WWOX: variants seen among roughly 807,000 people sequenced by gnomAD.
WWOX encodes WW domain containing oxidoreductase, also known as WW domain-containing oxidoreductase.
A neutral mutation model predicts 46.2 loss-of-function variants in WWOX; 69 were observed. That is an observed-to-expected ratio of 1.49 (90% confidence interval 1.23 to 1.82). WWOX has a LOEUF of 1.82. Ranked by LOEUF, WWOX falls within the 40% of genes most tolerant of loss-of-function variation. The pLI, the probability that WWOX is intolerant of heterozygous loss-of-function variation, is 0.00. For synonymous variants in WWOX, 359 were observed against 202.6 expected (o/e 1.77, Z -6.56); for missense variants, 919 against 542.6 (o/e 1.69, Z -6.89).
chr16:79,208,890 T>G (rs1251003077), intron 8 of WWOX, among the ~76,000 whole-genome samples: 1 of 152,156 alleles, frequency 6.6e-6, no homozygotes, highest in Non-Finnish European at 1.5e-5. Context: ...CAACAAGATA[T>G]TGTTACTGCT....
At chr16:79,120,320 G>C (rs2049602964) in intron 8 of WWOX, among the ~76,000 whole-genome samples, 1 of 152,182 alleles carries the variant, frequency 6.6e-6, no homozygotes, top group Non-Finnish European at 1.5e-5. Context: ...AGCTATTGCT[G>C]TCAGGCGCAT....
chr16:79,125,687 T>C (rs897293644), intron 8 of WWOX, among the ~76,000 whole-genome samples: 4 of 152,198 alleles, frequency 2.6e-5, no homozygotes, highest in Non-Finnish European at 5.9e-5. Flanking sequence ...ATGGACCAAG[T>C]GTCAACAATG....
chr16:78,646,914 G>C (rs2046857750), intron 8 of WWOX, among the ~76,000 whole-genome samples: 1 of 152,142 alleles, frequency 6.6e-6, no homozygotes, highest in Non-Finnish European at 1.5e-5. Context: ...CACCCAACTA[G>C]CTGAAGCGAG....
At chr16:78,535,876 G>A (rs1357889105) in intron 8 of WWOX, among the ~76,000 whole-genome samples, 1 of 152,148 alleles carries the variant, frequency 6.6e-6, no homozygotes, top group Non-Finnish European at 1.5e-5. Context: ...AGGCTTTCTT[G>A]GACTCATTTT....
chr16:78,275,388 A>T (rs57248936), intron 5 of WWOX, among the ~76,000 whole-genome samples: 2,095 of 152,238 alleles, frequency 0.014, 51 homozygotes, highest in African/African-American at 0.049. Context: ...GTCAGCTCAC[A>T]CCAACCAGCC....
intron 8 of WWOX, among the ~76,000 whole-genome samples, chr16:78,760,810 A>C (rs2049773758): frequency 6.6e-6 from 1 of 152,166 alleles, no homozygotes; most frequent in African/African-American, 2.4e-5. Flanking sequence ...CATACCCAAG[A>C]CTGTGCAATT....
chr16:78,634,170 A>T (rs1329787618), intron 8 of WWOX, among the ~76,000 whole-genome samples: 2 of 152,158 alleles, frequency 1.3e-5, no homozygotes, highest in African/African-American at 4.8e-5. Context: ...AGCATTAGAG[A>T]TTCGCTTTTT....
intron 8 of WWOX, among the ~76,000 whole-genome samples, chr16:78,784,824 C>A (rs1384281268): frequency 6.6e-6 from 1 of 152,138 alleles, no homozygotes; most frequent in Non-Finnish European, 1.5e-5. Context: ...TCCCAAGGAT[C>A]CCCAAGGGAT....
chr16:78,515,255 C>G (rs2667610), intron 8 of WWOX, among the ~76,000 whole-genome samples: 1 of 152,042 alleles, frequency 6.6e-6, no homozygotes, highest in Non-Finnish European at 1.5e-5. Flanking sequence ...CAAAAAAATA[C>G]TATTCCATAG....
rs1331040312 is a variant in WWOX, at chr16:78,341,320, T to C, written c.517-45540T>C. Among the ~76,000 whole-genome samples, 6 of 121,010 alleles carry C rather than the reference T, an allele frequency of 5.0e-5. 1 individual carries two copies. The highest frequency in any genetic ancestry group is 1.7e-4 in the African/African-American group (6 of 35,752). The allele number at this position is 121,010 out of a possible 152,430, so 79.4% of individuals were successfully genotyped here. A position where few individuals can be genotyped will look rare whatever the true frequency, so the allele number is the denominator to read the frequency against. ...GTGCCTGGCCTCAACTTTAAATTTT[T>C]ATATTGAATAATCTTTGATTTGTAT... On this transcript the variant is annotated intron_variant, in intron 5 of 8. Transcript: ENST00000566780.
At chr16:78,815,606 G>C (rs74031954) in intron 8 of WWOX, among the ~76,000 whole-genome samples, 1 of 152,120 alleles carries the variant, frequency 6.6e-6, no homozygotes, top group Non-Finnish European at 1.5e-5. Flanking sequence ...CATTTATGGG[G>C]GCAGAGGGAG....
chr16:78,809,454 T>A (rs1042039295), intron 8 of WWOX, among the ~76,000 whole-genome samples: 2 of 152,126 alleles, frequency 1.3e-5, no homozygotes, highest in African/African-American at 4.8e-5. Context: ...ACTTCTTAAT[T>A]TTCAGGTTAA....
chr16:78,767,609 C>T (rs902545163), intron 8 of WWOX, among the ~76,000 whole-genome samples: 6 of 152,022 alleles, frequency 3.9e-5, no homozygotes, highest in Admixed American at 2.0e-4. Flanking sequence ...TGCGTCGTTT[C>T]GTATCTGTGT....
chr16:79,021,531 G>T (rs1445152496), intron 8 of WWOX, among the ~76,000 whole-genome samples: 2 of 152,130 alleles, frequency 1.3e-5, no homozygotes, highest in Non-Finnish European at 2.9e-5. Flanking sequence ...ACCCATTAAA[G>T]AACACAGCTC....
chr16:79,189,941 G>A (rs577114243), intron 8 of WWOX, among the ~76,000 whole-genome samples: 18 of 148,994 alleles, frequency 1.2e-4, no homozygotes, highest in Non-Finnish European at 2.4e-4. Context: ...GGAAGGGGGG[G>A]GGGATAAAGA....
chr16:78,336,347 A>C (rs367548496), intron 5 of WWOX, among the ~76,000 whole-genome samples: 215 of 124,088 alleles, frequency 1.7e-3, no homozygotes, highest in South Asian at 3.2e-3. Flanking sequence ...AAAAAAAAAA[A>C]CCACAACAAA....
chr16:78,395,311 G>C (rs1033880496), intron 6 of WWOX, among the ~76,000 whole-genome samples: 4 of 152,178 alleles, frequency 2.6e-5, no homozygotes, highest in African/African-American at 7.2e-5. Context: ...TTGAGTTCCG[G>C]AGTTTGAGAC....
intron 8 of WWOX, chr16:78,994,309 C>T (rs1389660446): frequency 6.6e-6 from 1 of 151,984 alleles, no homozygotes; most frequent in Non-Finnish European, 1.5e-5. Context: ...AGGACATAGA[C>T]GTCTGAATAT....
chr16:78,829,362 A>C (rs1193864676), intron 8 of WWOX, among the ~76,000 whole-genome samples: 3 of 152,200 alleles, frequency 2.0e-5, no homozygotes, highest in Non-Finnish European at 2.9e-5. Flanking sequence ...TTTCTTACTC[A>C]GACTTTTGTT....
Sources: gnomAD v4.1 joint callset for allele counts (sites outside exome capture counted in the v4.1 genomes callset) on GRCh38, gnomAD v4.1.1 for gene constraint, MANE v1.5 for transcripts, NCBI Gene and HGNC (gene_info 2026-07-23, HGNC 2026-07-21) for gene names.